Variants in ATG10 observed in about 807,000 individuals in gnomAD.
ATG10 encodes autophagy related 10.
A neutral mutation model predicts 32.1 loss-of-function variants in ATG10; 30 were observed. That is an observed-to-expected ratio of 0.94 (90% CI 0.70 to 1.27). The LOEUF (loss-of-function observed/expected upper bound fraction) is 1.27, where lower values mean the gene tolerates loss of function less well. Among genes scored for constraint, ATG10 ranks in the 50% most tolerant of loss-of-function variants. ATG10 has a pLI of 0.00. For missense variants in ATG10, 233 were observed against 262.3 expected (o/e 0.89, Z 0.77); for synonymous variants, 87 against 91.5 (o/e 0.95, Z 0.28).
intron 3 of ATG10, among the ~76,000 whole-genome samples, chr5:82,139,229 A>G (rs1327548867): frequency 2.8e-5 from 4 of 145,322 alleles, no homozygotes; most frequent in Non-Finnish European, 4.5e-5. Flanking sequence ...TGGCCTCCCA[A>G]AGTGCCGAGA....
intron 3 of ATG10, among the ~76,000 whole-genome samples, chr5:82,140,187 G>T: frequency 1.1e-5 from 1 of 87,330 alleles, no homozygotes; most frequent in Non-Finnish European, 2.4e-5. Flanking sequence ...CGTCCGGGAG[G>T]GAGGTGGGGG....
intron 3 of ATG10, chr5:82,147,836 CCAGTCCTTGTG>C (rs1283168786): frequency 1.3e-5 from 2 of 152,598 alleles, no homozygotes. Flanking sequence ...CTGCCCTCCC[CCAGTCCTTGTG>C]CCAACACCAC....
At chr5:82,213,037 T>G (rs758697918) in intron 5 of ATG10, among the ~76,000 whole-genome samples, 1 of 152,186 alleles carries the variant, frequency 6.6e-6, no homozygotes, top group African/African-American at 2.4e-5. Context: ...ATTTTTTTCC[T>G]CTCCAAATCG....
chr5:82,008,711 G>C (rs1169036142), intron 2 of ATG10, among the ~76,000 whole-genome samples: 1 of 152,170 alleles, frequency 6.6e-6, no homozygotes, highest in Non-Finnish European at 1.5e-5. Context: ...AGTTTATCAA[G>C]CCCAGGATCT....
chr5:82,187,163 G>A (rs1462878053), intron 5 of ATG10, among the ~76,000 whole-genome samples: 1 of 150,486 alleles, frequency 6.6e-6, no homozygotes, highest in African/African-American at 2.4e-5. Context: ...TGGTTATTTG[G>A]GTGTAACTGA....
chr5:82,149,730 CCTT>C (rs1158496125), intron 3 of ATG10, among the ~76,000 whole-genome samples: 9 of 152,026 alleles, frequency 5.9e-5, no homozygotes, highest in African/African-American at 2.2e-4. Flanking sequence ...TAAAGTATTT[CCTT>C]CTATTCTCAG....
intron 4 of ATG10, among the ~76,000 whole-genome samples, chr5:82,177,037 C>A (rs945568323): frequency 4.6e-5 from 7 of 152,046 alleles, no homozygotes; most frequent in African/African-American, 1.7e-4. Flanking sequence ...TGGGAAAATT[C>A]TAAGAAATAA....
In ATG10 at chr5:82,254,940, AGAT is replaced by A. The variant is rs1425472036; in HGVS notation, c.*878_*880del. ...TGTGTGTATGTGTGGGTGTTTGTGT[AGAT>A]AGTTGTAAAACAAAGAAAAAACACA... On this transcript the variant is annotated 3_prime_UTR_variant, in exon 8 of 8. Coordinates refer to ENST00000282185, the MANE Select transcript of ATG10 (RefSeq NM_031482.5). 1 of 136,306 alleles carries A rather than the reference AGAT, an allele frequency of 7.3e-6. No individual in the cohort carries two copies. Among genetic ancestry groups the A allele is most frequent in the Non-Finnish European group, 1.6e-5 (1 of 61,266 alleles). The allele number at this position is 136,306 out of a possible 1,614,324, so 8.4% of individuals were successfully genotyped here.
intron 2 of ATG10, among the ~76,000 whole-genome samples, chr5:81,990,696 G>C (rs1259965938): frequency 2.6e-5 from 4 of 152,204 alleles, no homozygotes; most frequent in African/African-American, 4.8e-5. Context: ...CCACTGCAAT[G>C]ATGAGCACTG....
intron 3 of ATG10, among the ~76,000 whole-genome samples, chr5:82,115,998 T>C (rs931698124): frequency 3.9e-5 from 6 of 152,116 alleles, no homozygotes; most frequent in Non-Finnish European, 8.8e-5. Flanking sequence ...AAGTTAAGTG[T>C]GTTGACTGCT....
At chr5:82,092,096 T>A (rs2149793710) in intron 3 of ATG10, among the ~76,000 whole-genome samples, 1 of 152,340 alleles carries the variant, frequency 6.6e-6, no homozygotes, top group East Asian at 1.9e-4. Flanking sequence ...AGCTTTTGTA[T>A]TTGAAGGTGG....
chr5:82,029,381 C>T (rs1301621594), intron 2 of ATG10, among the ~76,000 whole-genome samples: 1 of 152,126 alleles, frequency 6.6e-6, no homozygotes, highest in Admixed American at 6.5e-5. Context: ...AAATCCCCTC[C>T]AGTTTACCCT....
chr5:82,141,143 TCTGCTGAC>T (rs1236191881), intron 3 of ATG10, among the ~76,000 whole-genome samples: 4 of 144,724 alleles, frequency 2.8e-5, no homozygotes, highest in African/African-American at 1.0e-4. Flanking sequence ...CACTTGTTTA[TCTGCTGAC>T]CTTCCCTCCA....
chr5:82,125,739 A>G (rs1581714130), intron 3 of ATG10, among the ~76,000 whole-genome samples: 1 of 152,048 alleles, frequency 6.6e-6, no homozygotes, highest in Admixed American at 6.6e-5. Flanking sequence ...TTTGCTGAGG[A>G]TTGTCTTGGC....
chr5:82,231,535 A>C (rs2150006762), intron 5 of ATG10, among the ~76,000 whole-genome samples: 2 of 152,160 alleles, frequency 1.3e-5, no homozygotes, highest in East Asian at 3.9e-4. Context: ...TTAGTAGCAT[A>C]GTTTTTTGTT....
intron 3 of ATG10, among the ~76,000 whole-genome samples, chr5:82,102,304 G>A (rs957206895): frequency 2.6e-5 from 4 of 152,120 alleles, no homozygotes; most frequent in African/African-American, 7.2e-5. Context: ...TGTATTCACA[G>A]TCCTCTAATT....
At chr5:82,122,343 A>G (rs918196613) in intron 3 of ATG10, among the ~76,000 whole-genome samples, 3 of 152,138 alleles carry the variant, frequency 2.0e-5, no homozygotes, top group Non-Finnish European at 2.9e-5. Flanking sequence ...TCTTTTTTAC[A>G]TCGTATACAA....
chr5:81,975,938 TA>T (rs2149650205), intron 1 of ATG10, among the ~76,000 whole-genome samples: 1 of 151,848 alleles, frequency 6.6e-6, no homozygotes, highest in Admixed American at 6.6e-5. Flanking sequence ...AAGATGTGAT[TA>T]GGGTGAGTTA....
At chr5:82,036,890 T>C (rs1047106932) in intron 2 of ATG10, among the ~76,000 whole-genome samples, 3 of 151,982 alleles carry the variant, frequency 2.0e-5, no homozygotes, top group African/African-American at 7.2e-5. Context: ...CCCAGCACTA[T>C]GGAAGGCAGA....
Sources: allele counts gnomAD v4.1 joint callset (sites outside exome capture counted in the v4.1 genomes callset), GRCh38; gene constraint gnomAD v4.1.1; transcripts MANE v1.5; gene names NCBI Gene and HGNC (gene_info 2026-07-23, HGNC 2026-07-21).